Variants in WWOX observed in about 807,000 individuals in gnomAD.
WWOX encodes the protein WW domain-containing oxidoreductase.
In WWOX, 69 loss-of-function variants were observed where a neutral mutation model predicts 46.2. The ratio of observed to expected loss-of-function variants is 1.49; its 90% CI spans 1.23 to 1.82. The LOEUF (loss-of-function observed/expected upper bound fraction) is 1.82. Ranked by LOEUF, WWOX falls within the 40% of genes most tolerant of loss-of-function variation. The pLI, the probability that WWOX is intolerant of heterozygous loss-of-function variation, is 0.00. For synonymous variants in WWOX, 359 were observed against 202.6 expected, an observed-to-expected ratio of 1.77 and a Z score of -6.56; for missense variants, 919 against 542.6, an observed-to-expected ratio of 1.69 and a Z score of -6.89.
At chr16:79,123,449 A>G (rs546752199) in intron 8 of WWOX, among the ~76,000 whole-genome samples, 2 of 152,114 alleles carry the variant, frequency 1.3e-5, no homozygotes, top group Non-Finnish European at 2.9e-5. Flanking sequence ...TCGTTTGTTG[A>G]GACTCTTTTT....
chr16:78,173,204 G>C (rs775518083), intron 5 of WWOX, among the ~76,000 whole-genome samples: 1 of 152,218 alleles, frequency 6.6e-6, no homozygotes, highest in South Asian at 2.1e-4. Flanking sequence ...GGTAGCCCCA[G>C]CTTTGGAGTC....
chr16:78,818,045 A>T (rs1289945800), intron 8 of WWOX, among the ~76,000 whole-genome samples: 1 of 152,202 alleles, frequency 6.6e-6, no homozygotes, highest in Non-Finnish European at 1.5e-5. Flanking sequence ...CAAGGGTCTC[A>T]GTCAACCTTA....
intron 5 of WWOX, among the ~76,000 whole-genome samples, chr16:78,221,239 G>A (rs2036876967): frequency 1.3e-5 from 2 of 152,010 alleles, no homozygotes; most frequent in Non-Finnish European, 2.9e-5. Context: ...AGGTTTAGTA[G>A]GATTTTTATA....
chr16:78,145,103 T>A (rs1479687788), intron 4 of WWOX, among the ~76,000 whole-genome samples: 1 of 152,102 alleles, frequency 6.6e-6, no homozygotes, highest in Non-Finnish European at 1.5e-5. Context: ...GGCCAGAAGG[T>A]TGAAGTCAAG....
At chr16:79,201,732 T>TG (rs1033094087) in intron 8 of WWOX, among the ~76,000 whole-genome samples, 1 of 151,856 alleles carries the variant, frequency 6.6e-6, no homozygotes, top group Non-Finnish European at 1.5e-5. Flanking sequence ...TTTTCCTGTT[T>TG]TTTTTCACTT....
intron 6 of WWOX, among the ~76,000 whole-genome samples, chr16:78,401,703 T>A (rs1015305857): frequency 6.6e-6 from 1 of 152,136 alleles, no homozygotes; most frequent in African/African-American, 2.4e-5. Context: ...ATACAATTCC[T>A]TTTTTCTTTT....
intron 6 of WWOX, among the ~76,000 whole-genome samples, chr16:78,414,703 A>G (rs1381052758): frequency 1.3e-5 from 2 of 152,204 alleles, no homozygotes; most frequent in African/African-American, 4.8e-5. Flanking sequence ...ACGGCTGGTA[A>G]TTATTTAAAA....
At chr16:79,016,824 AAAG>A (rs1218132628) in intron 8 of WWOX, 1 of 152,202 alleles carries the variant, frequency 6.6e-6, no homozygotes, top group African/African-American at 2.4e-5. Flanking sequence ...ACTGCTTTTT[AAAG>A]AAGACTGACG....
chr16:78,322,581 G>C (rs933257166), intron 5 of WWOX, among the ~76,000 whole-genome samples: 3 of 152,176 alleles, frequency 2.0e-5, no homozygotes, highest in Non-Finnish European at 4.4e-5. Context: ...GAGTGTGAGA[G>C]GTACAATTCA....
intron 8 of WWOX, among the ~76,000 whole-genome samples, chr16:78,589,489 A>G (rs1004107738): frequency 6.6e-6 from 1 of 152,076 alleles, no homozygotes; most frequent in East Asian, 1.9e-4. Flanking sequence ...TCTTTTCCTC[A>G]TCATCTCAGC....
Position 78,181,174 on chromosome 16 carries a change from C to T in WWOX, c.516+16885C>T, listed in dbSNP as rs1244903449. Among the ~76,000 whole-genome samples, 5 of 151,772 alleles carry T rather than the reference C, an allele frequency of 3.3e-5. No homozygotes were observed. In the East Asian group the frequency reaches 5.8e-4, roughly 18 times the overall value. Reference sequence around the variant, plus strand: ...GACACACGAAGGGGAGGTGGAGACACGGAGGAGGGACAGAAAGACAGAGAG... The same window carrying T: ...GACACACGAAGGGGAGGTGGAGACATGGAGGAGGGACAGAAAGACAGAGAG... On this transcript the variant is annotated intron_variant, in intron 5 of 8. Transcript: ENST00000566780.
At chr16:78,809,569 T>G (rs1008840193) in intron 8 of WWOX, among the ~76,000 whole-genome samples, 5 of 152,252 alleles carry the variant, frequency 3.3e-5, no homozygotes, top group African/African-American at 1.2e-4. Context: ...TTAGCCTTTA[T>G]TTTTGGTGTC....
intron 8 of WWOX, chr16:78,535,425 C>G (rs540129249): frequency 1.3e-5 from 2 of 152,326 alleles, no homozygotes; most frequent in East Asian, 1.9e-4. Flanking sequence ...TTGTAGGATT[C>G]TATTTCTGTA....
intron 6 of WWOX, among the ~76,000 whole-genome samples, chr16:78,402,621 A>C (rs914187766): frequency 7.9e-5 from 12 of 152,236 alleles, no homozygotes; most frequent in Non-Finnish European, 1.6e-4. Flanking sequence ...TGGTATTGGT[A>C]CAATCAGTCA....
chr16:78,497,844 A>G (rs1177828632), intron 8 of WWOX, among the ~76,000 whole-genome samples: 1 of 122,832 alleles, frequency 8.1e-6, no homozygotes, highest in Non-Finnish European at 1.8e-5. Context: ...TATACACCGG[A>G]GTTACTGAGA....
chr16:78,274,288 C>G (rs563975885), intron 5 of WWOX, among the ~76,000 whole-genome samples: 1 of 152,166 alleles, frequency 6.6e-6, no homozygotes, highest in Admixed American at 6.5e-5. Context: ...TTCCATCTGA[C>G]AAGAATGATC....
chr16:78,104,744 TAAA>T (rs1331835967), intron 1 of WWOX, among the ~76,000 whole-genome samples: 3 of 152,168 alleles, frequency 2.0e-5, no homozygotes, highest in Non-Finnish European at 2.9e-5. Context: ...AGGTTATAAT[TAAA>T]AAGAACATCT....
intron 5 of WWOX, among the ~76,000 whole-genome samples, chr16:78,328,832 T>TTCTTTTCTTTTCTTTTCTTTTGTTTTC (rs59414488): frequency 6.6e-6 from 1 of 150,384 alleles, no homozygotes; most frequent in East Asian, 1.9e-4. Context: ...GTGTTTTTCT[T>TTCTTTTCTTTTCTTTTCTTTTGTTTTC]TTTTCTTTTC....
At chr16:78,535,206 G>C (rs74029536) in intron 8 of WWOX, 1 of 152,164 alleles carries the variant, frequency 6.6e-6, no homozygotes, top group Non-Finnish European at 1.5e-5. Context: ...CACAGGATCT[G>C]CTCAGGGAGA....
Sources: gnomAD v4.1 joint callset for allele counts (sites outside exome capture counted in the v4.1 genomes callset) on GRCh38, gnomAD v4.1.1 for gene constraint, MANE v1.5 for transcripts, NCBI Gene and HGNC (gene_info 2026-07-23, HGNC 2026-07-21) for gene names.